Variants in IMMP1L observed in about 807,000 individuals in gnomAD.
IMMP1L encodes the protein inner mitochondrial membrane peptidase subunit 1.
Under a neutral mutation model 21.8 loss-of-function variants are expected in IMMP1L, and 24 were observed. That is an observed-to-expected ratio of 1.10 (90% CI 0.80 to 1.55). The LOEUF is 1.55. Among genes scored for constraint, IMMP1L ranks in the 40% most tolerant of loss-of-function variants. The pLI is 0.00. For synonymous variants in IMMP1L, 46 were observed against 62.8 expected, an observed-to-expected ratio of 0.73 and a Z score of 1.26; for missense variants, 195 against 200.7, an observed-to-expected ratio of 0.97 and a Z score of 0.17.
At chr11:31,490,699 T>C (rs1225382596) in intron 1 of IMMP1L, among the ~76,000 whole-genome samples, 5 of 152,056 alleles carry the variant, frequency 3.3e-5, no homozygotes, top group African/African-American at 4.8e-5. Context: ...AAAGAGACTA[T>C]AGTGAGTTGA....
At chr11:31,489,693 G>T (rs997901008) in intron 1 of IMMP1L, among the ~76,000 whole-genome samples, 2 of 151,868 alleles carry the variant, frequency 1.3e-5, no homozygotes, top group Non-Finnish European at 2.9e-5. Context: ...CTTTTGTAAT[G>T]CATTTCTGTA....
intron 4 of IMMP1L, among the ~76,000 whole-genome samples, chr11:31,443,836 A>G (rs896788905): frequency 1.3e-5 from 2 of 152,156 alleles, no homozygotes; most frequent in East Asian, 3.9e-4. Flanking sequence ...AATTTACACA[A>G]AAGTTTCAGT....
intron 1 of IMMP1L, among the ~76,000 whole-genome samples, chr11:31,506,796 C>T (rs1269060473): frequency 6.6e-6 from 1 of 150,982 alleles, no homozygotes; most frequent in African/African-American, 2.4e-5. Flanking sequence ...CCTGTCTCTA[C>T]TCAAAATACA....
intron 1 of IMMP1L, among the ~76,000 whole-genome samples, chr11:31,470,281 C>T (rs1348936142): frequency 1.3e-5 from 2 of 151,934 alleles, no homozygotes; most frequent in African/African-American, 4.8e-5. Flanking sequence ...GGTGTGGCAG[C>T]GCATGCCTGT....
chr11:31,503,422 G>C (rs1955685381), intron 1 of IMMP1L, among the ~76,000 whole-genome samples: 1 of 152,006 alleles, frequency 6.6e-6, no homozygotes, highest in Non-Finnish European at 1.5e-5. Context: ...CGATTAAACA[G>C]AAAGTAGAAA....
At chr11:31,438,418 C>T (rs1953197987) in intron 4 of IMMP1L, among the ~76,000 whole-genome samples, 1 of 152,040 alleles carries the variant, frequency 6.6e-6, no homozygotes, top group Non-Finnish European at 1.5e-5. Context: ...CCTTTATTTA[C>T]CATGGATACA....
At chr11:31,434,493 C>G (rs758619999) in intron 4 of IMMP1L, among the ~76,000 whole-genome samples, 1 of 151,988 alleles carries the variant, frequency 6.6e-6, no homozygotes, top group Non-Finnish European at 1.5e-5. Flanking sequence ...CCAAAATGAT[C>G]TATGTATGGG....
intron 1 of IMMP1L, among the ~76,000 whole-genome samples, chr11:31,505,998 T>C (rs1446940441): frequency 6.6e-6 from 1 of 152,172 alleles, no homozygotes; most frequent in African/African-American, 2.4e-5. Flanking sequence ...AAAAGTTATA[T>C]GCGTGTTTTC....
intron 1 of IMMP1L, among the ~76,000 whole-genome samples, chr11:31,475,870 A>G: frequency 6.6e-6 from 1 of 152,194 alleles, no homozygotes; most frequent in East Asian, 1.9e-4. Flanking sequence ...AGTGACCCCT[A>G]GAACGGAGAA....
intron 1 of IMMP1L, among the ~76,000 whole-genome samples, chr11:31,508,935 T>G (rs1204452216): frequency 6.6e-6 from 1 of 152,248 alleles, no homozygotes; most frequent in Non-Finnish European, 1.5e-5. Context: ...TTCTAATTCT[T>G]CCTAGCAGTT....
chr11:31,472,512 C>T (rs894670978), intron 1 of IMMP1L, among the ~76,000 whole-genome samples: 9 of 152,158 alleles, frequency 5.9e-5, no homozygotes, highest in African/African-American at 2.2e-4. Context: ...GTATAACTTA[C>T]CATGTACCAT....
intron 4 of IMMP1L, among the ~76,000 whole-genome samples, chr11:31,445,782 T>A (rs1376205350): frequency 6.6e-6 from 1 of 151,816 alleles, no homozygotes; most frequent in East Asian, 1.9e-4. Flanking sequence ...TGGAGTGCAG[T>A]GGCACGAGAC....
At chr11:31,457,385 C>G (rs1428881236) in intron 3 of IMMP1L, among the ~76,000 whole-genome samples, 1 of 152,080 alleles carries the variant, frequency 6.6e-6, no homozygotes, top group African/African-American at 2.4e-5. Flanking sequence ...CACAGTCAAA[C>G]AGAACACAAT....
intron 4 of IMMP1L, among the ~76,000 whole-genome samples, chr11:31,451,139 G>A (rs1297132017): frequency 6.6e-6 from 1 of 152,126 alleles, no homozygotes; most frequent in Admixed American, 6.5e-5. Flanking sequence ...AAAGGCAGCA[G>A]GCAAAATGAT....
chr11:31,440,430 G>C (rs1003667521), intron 4 of IMMP1L, among the ~76,000 whole-genome samples: 1 of 151,844 alleles, frequency 6.6e-6, no homozygotes, highest in Non-Finnish European at 1.5e-5. Context: ...TCGCTCTCTC[G>C]CCCAAGCTGG....
At chr11:31,443,656 C>T (rs1174092336) in intron 4 of IMMP1L, among the ~76,000 whole-genome samples, 9 of 152,152 alleles carry the variant, frequency 5.9e-5, no homozygotes, top group Non-Finnish European at 1.2e-4. Context: ...ATAGTTAATA[C>T]ACTGACTATT....
At chr11:31,507,934 A>T (rs913733515) in intron 1 of IMMP1L, among the ~76,000 whole-genome samples, 6 of 152,206 alleles carry the variant, frequency 3.9e-5, no homozygotes, top group African/African-American at 2.4e-5. Flanking sequence ...CATGAGGTAC[A>T]CAAAACAATG....
intron 1 of IMMP1L, 23 bp downstream of exon 1, chr11:31,509,496 G>C (rs1955925905): frequency 4.1e-6 from 2 of 488,740 alleles, no homozygotes; most frequent in Admixed American, 6.5e-5. Flanking sequence ...AAAAGGAGAA[G>C]AACGTTACGT....
At chr11:31,480,005 A>G (rs1466612815) in intron 1 of IMMP1L, among the ~76,000 whole-genome samples, 1 of 152,030 alleles carries the variant, frequency 6.6e-6, no homozygotes, top group Non-Finnish European at 1.5e-5. Context: ...ATAAAAAAAG[A>G]ATGATGTGAT....
Sources: allele counts gnomAD v4.1 joint callset (sites outside exome capture counted in the v4.1 genomes callset), GRCh38; gene constraint gnomAD v4.1.1; transcripts MANE v1.5; gene names NCBI Gene and HGNC (gene_info 2026-07-23, HGNC 2026-07-21).